The following SAMD12 variants were observed in gnomAD, a reference collection of about 807,000 sequenced individuals.
SAMD12 encodes the protein sterile alpha motif domain containing 12, also known as sterile alpha motif domain-containing protein 12.
In SAMD12, 9 loss-of-function variants were observed where a neutral mutation model predicts 15.0. The ratio of observed to expected loss-of-function variants is 0.60; its 90% CI spans 0.36 to 1.05. SAMD12 has a LOEUF of 1.05. SAMD12 is among the 50% of genes least tolerant of loss of function. The probability of loss-of-function intolerance (pLI) is 0.01; values close to 1 mark genes in which losing one functional copy is unlikely to be tolerated. For synonymous variants in SAMD12, 86 were observed against 90.1 expected (o/e 0.96, Z 0.25); for missense variants, 230 against 234.2 (o/e 0.98, Z 0.12).
chr8:118,455,209 C>G (rs61139842), intron 2 of SAMD12, among the ~76,000 whole-genome samples: 3,634 of 151,658 alleles, frequency 0.024, 127 homozygotes, highest in African/African-American at 0.083. Flanking sequence ...CTCCTGGTAG[C>G]CTCTGACACA....
chr8:118,526,333 T>G (rs1402777375), intron 2 of SAMD12, among the ~76,000 whole-genome samples: 2 of 152,128 alleles, frequency 1.3e-5, no homozygotes, highest in African/African-American at 4.8e-5. Flanking sequence ...TTAAGAGGTC[T>G]CTAAAGAGTC....
At chr8:118,285,163 C>A (rs1461908747) in intron 4 of SAMD12, among the ~76,000 whole-genome samples, 1 of 151,038 alleles carries the variant, frequency 6.6e-6, no homozygotes, top group African/African-American at 2.4e-5. Context: ...TTTTTAATAG[C>A]CAGAAGAAAA....
intron 4 of SAMD12, among the ~76,000 whole-genome samples, chr8:118,252,777 C>G (rs1812850072): frequency 1.3e-5 from 2 of 152,256 alleles, no homozygotes; most frequent in Non-Finnish European, 2.9e-5. Context: ...GCGCTGGGAG[C>G]TCACTGGTGG....
At chr8:118,580,974 A>G (rs1331306380) in intron 1 of SAMD12, 81 bp from the exon 2 acceptor site, 2 of 1,117,868 alleles carry the variant, frequency 1.8e-6, no homozygotes, top group East Asian at 2.5e-5. Flanking sequence ...CATCAAGCCT[A>G]AGTAGGAAAA....
At chr8:118,447,587 G>A (rs1372165473) in intron 2 of SAMD12, among the ~76,000 whole-genome samples, 3 of 152,010 alleles carry the variant, frequency 2.0e-5, no homozygotes, top group Non-Finnish European at 2.9e-5. Flanking sequence ...ACAGGCGTGA[G>A]CCACCGTGTC....
intron 1 of SAMD12, among the ~76,000 whole-genome samples, 183 bp from the exon 2 acceptor site, chr8:118,581,076 T>C (rs1383080345): frequency 6.6e-6 from 1 of 152,140 alleles, no homozygotes; most frequent in Non-Finnish European, 1.5e-5. Context: ...AACCTTGAGC[T>C]TGGAAATCAG....
At chr8:118,180,690 C>T in the SAMD12 span, among the ~76,000 whole-genome samples, 12 of 152,082 alleles carry the variant, frequency 7.9e-5, no homozygotes, top group African/African-American at 1.9e-4. Flanking sequence ...CTCCCAGCTC[C>T]GCCTCCCGAG....
chr8:118,538,502 T>C (rs1825907846), intron 2 of SAMD12, among the ~76,000 whole-genome samples: 1 of 152,178 alleles, frequency 6.6e-6, no homozygotes, highest in Admixed American at 6.5e-5. Flanking sequence ...CTGGTTGAGT[T>C]CTGCCTGGTA....
At chr8:118,272,439 G>A (rs2630704) in intron 4 of SAMD12, among the ~76,000 whole-genome samples, 1 of 152,178 alleles carries the variant, frequency 6.6e-6, no homozygotes, top group Non-Finnish European at 1.5e-5. Context: ...CTGCAGTGAA[G>A]GTCTCTGACT....
the SAMD12 span, among the ~76,000 whole-genome samples, chr8:118,139,940 A>G: frequency 4.8e-4 from 73 of 152,296 alleles, no homozygotes; most frequent in African/African-American, 1.5e-3. Context: ...AACTGTGCCA[A>G]TCCAAACAAG....
chr8:118,184,903 C>CT (rs5894416), downstream of SAMD12, among the ~76,000 whole-genome samples: 38 of 141,744 alleles, frequency 2.7e-4, no homozygotes, highest in Admixed American at 7.0e-4. Flanking sequence ...ACCATTTGTT[C>CT]TTTTTTTTTT....
At chr8:118,616,081 T>C (rs886781404) in intron 1 of SAMD12, among the ~76,000 whole-genome samples, 2 of 152,052 alleles carry the variant, frequency 1.3e-5, no homozygotes, top group South Asian at 2.1e-4. Context: ...ATAGAGAACA[T>C]AATAAAAATA....
At chr8:118,405,232 C>T (rs150492758) in intron 3 of SAMD12, among the ~76,000 whole-genome samples, 3 of 152,144 alleles carry the variant, frequency 2.0e-5, no homozygotes, top group Non-Finnish European at 2.9e-5. Context: ...GATTCCATTT[C>T]GAAAATGAGT....
At chr8:118,470,255 TTTAAA>T (rs1035741381) in intron 2 of SAMD12, among the ~76,000 whole-genome samples, 6 of 145,124 alleles carry the variant, frequency 4.1e-5, no homozygotes, top group African/African-American at 1.4e-4. Context: ...TTTTTTTTTT[TTTAAA>T]AAAAAAGGAG....
chr8:118,318,499 TA>T (rs1816062558), intron 4 of SAMD12, among the ~76,000 whole-genome samples: 1 of 151,650 alleles, frequency 6.6e-6, no homozygotes, highest in Non-Finnish European at 1.5e-5. Flanking sequence ...TTCTCACTTG[TA>T]AGTGGGAGCT....
intron 2 of SAMD12, among the ~76,000 whole-genome samples, chr8:118,464,365 T>A (rs899149725): frequency 2.0e-5 from 3 of 152,180 alleles, no homozygotes; most frequent in African/African-American, 7.2e-5. Flanking sequence ...CCCACGACAG[T>A]TGGACCAGAA....
chr8:118,275,317 C>T (rs549430525), intron 4 of SAMD12, among the ~76,000 whole-genome samples: 1 of 152,104 alleles, frequency 6.6e-6, no homozygotes, highest in African/African-American at 2.4e-5. Context: ...AAAACCAATT[C>T]TTAGGATGGC....
chr8:118,259,506 A>C (rs1813028659), intron 4 of SAMD12, among the ~76,000 whole-genome samples: 1 of 152,122 alleles, frequency 6.6e-6, no homozygotes, highest in Non-Finnish European at 1.5e-5. Context: ...CTAAGTGCGC[A>C]CAGTGATGAG....
chr8:118,241,788 T>C (rs956311800), intron 4 of SAMD12, among the ~76,000 whole-genome samples: 2 of 152,194 alleles, frequency 1.3e-5, no homozygotes, highest in African/African-American at 2.4e-5. Flanking sequence ...AAAAATAATT[T>C]AAATAGCTTC....
Sources: gnomAD v4.1 joint callset for allele counts (sites outside exome capture counted in the v4.1 genomes callset) on GRCh38, gnomAD v4.1.1 for gene constraint, MANE v1.5 for transcripts, NCBI Gene and HGNC (gene_info 2026-07-23, HGNC 2026-07-21) for gene names.